The following IFT57 variants were observed in gnomAD, a reference collection of about 807,000 sequenced individuals.
IFT57 encodes intraflagellar transport protein 57 homolog.
A neutral mutation model predicts 56.8 loss-of-function variants in IFT57; 59 were observed. The observed-to-expected ratio is 1.04, with a 90% CI of 0.84 to 1.29. IFT57 has a LOEUF of 1.29. Ranked by LOEUF, IFT57 falls within the 50% of genes most tolerant of loss-of-function variation. The pLI is 0.00. For synonymous variants in IFT57, 209 were observed against 186.1 expected (o/e 1.12, Z -1.00); for missense variants, 470 against 522.1 (o/e 0.90, Z 0.97).
chr3:108,186,173 T>C (rs2080180955), intron 6 of IFT57, among the ~76,000 whole-genome samples: 1 of 152,162 alleles, frequency 6.6e-6, no homozygotes, highest in Non-Finnish European at 1.5e-5. Flanking sequence ...TCAATGAAGA[T>C]ACCATTGTTG....
intron 3 of IFT57, among the ~76,000 whole-genome samples, chr3:108,214,589 T>A (rs1576051006): frequency 6.6e-6 from 1 of 152,130 alleles, no homozygotes; most frequent in Non-Finnish European, 1.5e-5. Flanking sequence ...GGAGAGTAAC[T>A]CCATCTCCAT....
In IFT57 at chr3:108,162,633, C is replaced by G. The variant is rs751345291; in HGVS notation, c.1134G>C (p.Gln378His). The change falls in exon 11 of 11, where the codon CAG becomes CAC. Residue 378 changes from glutamine to histidine, a missense_variant. Physicochemically the swap from Gln to His is conservative, Grantham distance 24. Coordinates refer to ENST00000264538, the MANE Select transcript of IFT57 (RefSeq NM_018010.4). ...TTTCTTGCTTCAGTTTTGTTAAGCT[C>G]TGTTTAATCTTCACCAAAGGAGCTG... ...TDGAPLVKIKQSLTKLKQETV... is the reference protein window; with the variant it reads ...TDGAPLVKIKHSLTKLKQETV... 15 of 1,602,166 alleles carry G rather than the reference C, an allele frequency of 9.4e-6. No homozygotes were observed. The East Asian group carries it at 3.4e-4, about 36-fold the overall frequency.
intron 6 of IFT57, among the ~76,000 whole-genome samples, chr3:108,186,474 C>T (rs995447929): frequency 4.6e-5 from 7 of 151,904 alleles, no homozygotes; most frequent in Non-Finnish European, 7.4e-5. Context: ...AGGAGGAAGA[C>T]GAAGAAGAAG....
chr3:108,193,697 C>T (rs925706442), intron 5 of IFT57, among the ~76,000 whole-genome samples: 3 of 152,004 alleles, frequency 2.0e-5, no homozygotes, highest in Admixed American at 2.0e-4. Context: ...AAAGCAGATA[C>T]ATGTGAAGTT....
At chr3:108,204,609 T>C (rs1358429533) in intron 5 of IFT57, among the ~76,000 whole-genome samples, 1 of 152,216 alleles carries the variant, frequency 6.6e-6, no homozygotes, top group African/African-American at 2.4e-5. Flanking sequence ...CATCTCTACT[T>C]TTATTTTTCT....
chr3:108,184,072 C>T (rs1483888244), intron 6 of IFT57, among the ~76,000 whole-genome samples: 1 of 152,084 alleles, frequency 6.6e-6, no homozygotes, highest in Admixed American at 6.6e-5. Flanking sequence ...TAAAGTACTA[C>T]TCTAGTTTAG....
At chr3:108,203,605 A>G (rs561979971) in intron 5 of IFT57, among the ~76,000 whole-genome samples, 113 of 152,326 alleles carry the variant, frequency 7.4e-4, no homozygotes, top group Middle Eastern at 3.4e-3. Flanking sequence ...CTATGAAACC[A>G]TAAGTACAAA....
intron 2 of IFT57, 145 bp downstream of exon 2, chr3:108,219,265 T>C (rs2080391537): frequency 1.6e-6 from 1 of 634,764 alleles, no homozygotes; most frequent in African/African-American, 1.8e-5. Context: ...AACATTATAA[T>C]GTAAACTATT....
Position 108,179,741 on chromosome 3 carries a change from GC to G in IFT57, c.777+11779del, listed in dbSNP as rs1560107492. ...TTGAATAACTTTTCTAATGAAAAATGCCCACTAGGTTGCAGGATAATTATAG... is the reference window on the plus strand; with the variant it reads ...TTGAATAACTTTTCTAATGAAAAATGCCACTAGGTTGCAGGATAATTATAG... On this transcript the variant is annotated intron_variant, in intron 6 of 10. Coordinates refer to ENST00000264538, the MANE Select transcript of IFT57 (RefSeq NM_018010.4). Among the ~76,000 whole-genome samples, 3 of 152,060 alleles carry G rather than the reference GC, an allele frequency of 2.0e-5. No individual in the cohort carries two copies. In the South Asian group the frequency reaches 6.2e-4, roughly 32 times the overall value.
chr3:108,213,679 T>G (rs1400126840), intron 4 of IFT57: 14 of 329,786 alleles, frequency 4.2e-5, no homozygotes, highest in Non-Finnish European at 6.6e-5. Flanking sequence ...TTTACTCATA[T>G]AACTAGTGGT....
intron 3 of IFT57, 143 bp from the exon 4 acceptor site, chr3:108,214,164 T>G: frequency 1.9e-6 from 1 of 534,722 alleles, no homozygotes; most frequent in Non-Finnish European, 3.3e-6. Flanking sequence ...GTTTCATGTA[T>G]TTTTCCTAAA....
chr3:108,193,866 A>AGTG (rs1255147594), intron 5 of IFT57, among the ~76,000 whole-genome samples: 1 of 152,232 alleles, frequency 6.6e-6, no homozygotes, highest in Non-Finnish European at 1.5e-5. Context: ...TGGCACATTG[A>AGTG]GTACCTGTCT....
At chr3:108,172,552 T>C (rs894408620) in intron 6 of IFT57, among the ~76,000 whole-genome samples, 4 of 151,840 alleles carry the variant, frequency 2.6e-5, no homozygotes, top group African/African-American at 9.7e-5. Flanking sequence ...GGGACCCAGT[T>C]AGAAGGCTAA....
chr3:108,210,876 G>C, intron 4 of IFT57, among the ~76,000 whole-genome samples: 1 of 152,200 alleles, frequency 6.6e-6, no homozygotes, highest in East Asian at 1.9e-4. Flanking sequence ...TCTTATGATA[G>C]TAGAAGGTCT....
At chr3:108,178,925 T>C (rs1052868730) in intron 6 of IFT57, among the ~76,000 whole-genome samples, 10 of 146,464 alleles carry the variant, frequency 6.8e-5, no homozygotes. Flanking sequence ...CCAGTAGAAA[T>C]GTGTACATAA....
intron 5 of IFT57, among the ~76,000 whole-genome samples, chr3:108,199,718 TA>T (rs2080266918): frequency 6.6e-6 from 1 of 152,234 alleles, no homozygotes; most frequent in Admixed American, 6.5e-5. Context: ...GAATAGTGAC[TA>T]AAACAATAAT....
rs9825998 is a variant in IFT57 at position 108,187,190 on chromosome 3, T to A, written c.777+4331A>T. On this transcript the variant is annotated intron_variant, in intron 6 of 10. Transcript: ENST00000264538. ...ATCAGCATATAACAAAAATTCTTTA[T>A]CTTCAGCTGTGAAGCATATTATTTG... Among the ~76,000 whole-genome samples, 701 of 152,306 alleles carry A rather than the reference T, an allele frequency of 4.6e-3. 3 individuals are homozygous for A. The highest frequency in any genetic ancestry group is 0.016 in the African/African-American group (664 of 41,578).
intron 5 of IFT57, among the ~76,000 whole-genome samples, chr3:108,203,593 G>C (rs1160589757): frequency 6.6e-6 from 1 of 152,106 alleles, no homozygotes; most frequent in Non-Finnish European, 1.5e-5. Context: ...TATGAAAATT[G>C]CCTATGAAAC....
chr3:108,191,654 A>G lies in IFT57; in HGVS notation c.655-11T>C. 2 of 1,595,332 alleles carry G rather than the reference A, an allele frequency of 1.3e-6. No individual in the cohort carries two copies. The highest frequency in any genetic ancestry group is 2.3e-5 in the South Asian group (2 of 88,036). ...AGTCTCGTTCATATCCTAAGAAAGGAAAGATATCACAAGATTGAGAGTTTA... is the reference window on the plus strand; with the variant it reads ...AGTCTCGTTCATATCCTAAGAAAGGGAAGATATCACAAGATTGAGAGTTTA... On this transcript the variant is annotated splice_polypyrimidine_tract_variant and intron_variant, in intron 5 of 10. Transcript: ENST00000264538.
Sources: gnomAD v4.1 joint callset for allele counts (sites outside exome capture counted in the v4.1 genomes callset) on GRCh38, gnomAD v4.1.1 for gene constraint, MANE v1.5 for transcripts, NCBI Gene and HGNC (gene_info 2026-07-23, HGNC 2026-07-21) for gene names.